Variants in GALNT13 observed in about 807,000 individuals in gnomAD.
GALNT13 encodes the protein polypeptide N-acetylgalactosaminyltransferase 13, also known as UDP-GalNAc:polypeptide N-acetylgalactosaminyltransferase 13.
In GALNT13, 28 loss-of-function variants were observed where a neutral mutation model predicts 64.2. The observed-to-expected ratio is 0.44, with a 90% CI of 0.32 to 0.60. The LOEUF is 0.60. GALNT13 is among the 20% of genes least tolerant of loss of function. The pLI is 0.05. For missense variants in GALNT13, 577 were observed against 669.8 expected (o/e 0.86, Z 1.53); for synonymous variants, 214 against 224.6 (o/e 0.95, Z 0.42).
chr2:153,631,790 G>T, the GALNT13 span, among the ~76,000 whole-genome samples: 1 of 152,106 alleles, frequency 6.6e-6, no homozygotes, highest in Non-Finnish European at 1.5e-5. Flanking sequence ...TTCTTTTGCT[G>T]TGCAGAAGCT....
chr2:154,021,654 C>G (rs1022230791), intron 3 of GALNT13, among the ~76,000 whole-genome samples: 66 of 151,908 alleles, frequency 4.3e-4, no homozygotes, highest in Non-Finnish European at 7.8e-4. Flanking sequence ...CAAACAGGGA[C>G]AATTTGACTT....
chr2:154,044,303 A>G (rs1280865059), intron 3 of GALNT13, among the ~76,000 whole-genome samples: 3 of 152,194 alleles, frequency 2.0e-5, no homozygotes, highest in South Asian at 2.1e-4. Context: ...TTATGGAAAG[A>G]TAAAGCTCAA....
intron 3 of GALNT13, among the ~76,000 whole-genome samples, chr2:153,968,548 C>T (rs968317651): frequency 1.3e-5 from 2 of 152,140 alleles, no homozygotes; most frequent in African/African-American, 4.8e-5. Context: ...GTGGTCCTTA[C>T]CTGCTTATCT....
At chr2:154,250,141 A>G (rs1689992589) in intron 7 of GALNT13, among the ~76,000 whole-genome samples, 1 of 152,126 alleles carries the variant, frequency 6.6e-6, no homozygotes, top group South Asian at 2.1e-4. Flanking sequence ...ATGAAGTGCT[A>G]TAAAATATTG....
the GALNT13 span, among the ~76,000 whole-genome samples, chr2:153,638,763 TTC>T: frequency 1.3e-5 from 2 of 152,086 alleles, no homozygotes; most frequent in Admixed American, 6.6e-5. Flanking sequence ...GGGGTGTGTG[TTC>T]TCTTTTGACA....
At chr2:153,212,051 A>G in the GALNT13 span, among the ~76,000 whole-genome samples, 1 of 152,190 alleles carries the variant, frequency 6.6e-6, no homozygotes, top group Non-Finnish European at 1.5e-5. Context: ...TTGCTTCAAA[A>G]TGAGATTCAG....
chr2:153,343,817 A>T, the GALNT13 span, among the ~76,000 whole-genome samples: 2 of 152,116 alleles, frequency 1.3e-5, no homozygotes, highest in African/African-American at 2.4e-5. Flanking sequence ...TTCTAAGTGA[A>T]ATCTAAGAAA....
chr2:153,991,830 ATAT>A lies in GALNT13; in HGVS notation c.142+47195_142+47197del, dbSNP rs147061973. Among the ~76,000 whole-genome samples, 799 of 152,232 alleles carry A rather than the reference ATAT, an allele frequency of 5.2e-3. 4 individuals are homozygous for A. Among genetic ancestry groups the A allele is most frequent in the African/African-American group, 0.018 (754 of 41,550 alleles). ...TATACTTACTTAAAAGGGGGAAATA[ATAT>A]TATCAGTGTTACTGGGCTGTTGTTT... On this transcript the variant is annotated intron_variant, in intron 3 of 12. Transcript: ENST00000392825.
chr2:153,719,217 A>G, the GALNT13 span, among the ~76,000 whole-genome samples: 2 of 152,200 alleles, frequency 1.3e-5, no homozygotes, highest in African/African-American at 4.8e-5. Flanking sequence ...CAGGAAAATC[A>G]GGTAGAAATT....
the GALNT13 span, among the ~76,000 whole-genome samples, chr2:153,500,437 G>A: frequency 3.9e-5 from 6 of 152,210 alleles, no homozygotes; most frequent in African/African-American, 1.4e-4. Flanking sequence ...GCTTCAGTTA[G>A]CTCCTTGGTC....
the GALNT13 span, among the ~76,000 whole-genome samples, chr2:153,130,369 T>C: frequency 6.6e-6 from 1 of 152,056 alleles, no homozygotes; most frequent in Non-Finnish European, 1.5e-5. Flanking sequence ...TGGCTCCCAT[T>C]AGGTACAATC....
intron 4 of GALNT13, among the ~76,000 whole-genome samples, chr2:154,158,266 A>C (rs1684538797): frequency 6.6e-6 from 1 of 152,132 alleles, no homozygotes; most frequent in Non-Finnish European, 1.5e-5. Context: ...TCCTCTTAGA[A>C]AACAGAAACT....
intron 3 of GALNT13, among the ~76,000 whole-genome samples, chr2:153,987,991 T>TA (rs1168405928): frequency 2.0e-5 from 3 of 151,718 alleles, no homozygotes; most frequent in Admixed American, 1.3e-4. Context: ...CAGAATGTTT[T>TA]AAAAACTATT....
At chr2:153,448,775 A>C in the GALNT13 span, among the ~76,000 whole-genome samples, 1 of 152,118 alleles carries the variant, frequency 6.6e-6, no homozygotes, top group African/African-American at 2.4e-5. Context: ...AAGGCATCAC[A>C]GTAGGTTCAG....
chr2:153,569,458 T>G, the GALNT13 span, among the ~76,000 whole-genome samples: 1 of 151,980 alleles, frequency 6.6e-6, no homozygotes, highest in African/African-American at 2.4e-5. Context: ...ATAGAAGTCC[T>G]CAGTTGAATA....
intron 3 of GALNT13, among the ~76,000 whole-genome samples, chr2:154,077,237 A>G (rs559907717): frequency 6.6e-6 from 1 of 151,698 alleles, no homozygotes; most frequent in African/African-American, 2.4e-5. Flanking sequence ...TTGTTTATAT[A>G]TTAGGAACTT....
At chr2:154,443,002 A>C (rs1398830851) in intron 12 of GALNT13, among the ~76,000 whole-genome samples, 1 of 152,112 alleles carries the variant, frequency 6.6e-6, no homozygotes, top group Non-Finnish European at 1.5e-5. Flanking sequence ...ATTAATATTT[A>C]GACTTTACTT....
intron 9 of GALNT13, among the ~76,000 whole-genome samples, chr2:154,310,591 C>T (rs1050943579): frequency 3.9e-5 from 6 of 152,046 alleles, no homozygotes; most frequent in Non-Finnish European, 7.4e-5. Flanking sequence ...CTTATTTAAT[C>T]ATGCCAATAT....
intron 3 of GALNT13, among the ~76,000 whole-genome samples, chr2:154,044,606 AGAT>A (rs1368063898): frequency 6.6e-6 from 1 of 152,104 alleles, no homozygotes; most frequent in Non-Finnish European, 1.5e-5. Context: ...GCTGGGAGGG[AGAT>A]GATGAATATA....
Sources: gnomAD v4.1 joint callset for allele counts (sites outside exome capture counted in the v4.1 genomes callset) on GRCh38, gnomAD v4.1.1 for gene constraint, MANE v1.5 for transcripts, NCBI Gene and HGNC (gene_info 2026-07-23, HGNC 2026-07-21) for gene names.